Variants in PHACTR2 observed in about 807,000 individuals in gnomAD.
The protein encoded by PHACTR2 is phosphatase and actin regulator 2.
A neutral mutation model predicts 76.0 loss-of-function variants in PHACTR2; 30 were observed. That is an observed-to-expected ratio of 0.39 (90% CI 0.30 to 0.54). PHACTR2 has a LOEUF of 0.54. Among genes scored for constraint, PHACTR2 ranks in the 20% least tolerant of loss-of-function variants. The pLI, the probability that PHACTR2 is intolerant of heterozygous loss-of-function variation, is 0.61. For synonymous variants in PHACTR2, 292 were observed against 292.5 expected (o/e 1.00, Z 0.02); for missense variants, 696 against 781.1 (o/e 0.89, Z 1.30).
rs1776393335 is a variant in PHACTR2, at chr6:143,633,104, AGCCGATTTGGTTAAAT to A, written c.13+24783_13+24798del. Reference sequence around the variant, plus strand: ...GGGCTTTTTGCTGACATAATCTTTCAGCCGATTTGGTTAAATACCAAGGCGTGCAATTGCTGAATCA... The same window carrying A: ...GGGCTTTTTGCTGACATAATCTTTCAACCAAGGCGTGCAATTGCTGAATCA... On this transcript the variant is annotated intron_variant, in intron 1 of 11. Coordinates refer to the PHACTR2 transcript ENST00000305766. The surrounding 1 kb of genome is among the most constrained non-coding windows in gnomAD (Gnocchi z 4.1). Among the ~76,000 whole-genome samples, 1 of 152,216 alleles carries A rather than the reference AGCCGATTTGGTTAAAT, an allele frequency of 6.6e-6. No individual in the cohort carries two copies. Among genetic ancestry groups the A allele is most frequent in the African/African-American group, 2.4e-5 (1 of 41,464 alleles).
At position 143,816,637 on chromosome 6, in the gene PHACTR2, T is replaced by C. The variant is rs143472018; in HGVS notation, c.1923-7037T>C. ...TGTGACCTTCCAATGCAATCTAGAC[T>C]GTGGAACTCACTGTGTACTGCGATC... On this transcript the variant is annotated intron_variant, in intron 12 of 12. Transcript: ENST00000440869. The surrounding 1 kb of genome is among the most constrained non-coding windows in gnomAD (Gnocchi z 4.5). 4.6e-3 allele frequency among the ~76,000 whole-genome samples: 703 copies of C among 151,984 alleles called. 2 individuals are homozygous for C. The highest frequency in any genetic ancestry group is 6.6e-3 in the Non-Finnish European group (449 of 67,976).
intron 1 of PHACTR2, among the ~76,000 whole-genome samples, chr6:143,628,443 C>T (rs567765339): frequency 4.4e-4 from 67 of 152,186 alleles, no homozygotes; most frequent in African/African-American, 9.9e-4. Flanking sequence ...TTGCCTTTAC[C>T]GACTTGTTAG....
At position 143,742,951 on chromosome 6, in the gene PHACTR2, T is replaced by C. The variant is rs1582832056; in HGVS notation, c.215-6034T>C. ...TATGTATTGAATGCTTTCTAGATCC[T>C]AGGTACTGGTCTCAGTATTTTACTT... On this transcript the variant is annotated intron_variant, in intron 2 of 12. Coordinates refer to ENST00000440869, the MANE Select transcript of PHACTR2 (RefSeq NM_001100164.2). The surrounding 1 kb of genome is among the most constrained non-coding windows in gnomAD (Gnocchi z 4.5). 2.6e-5 allele frequency among the ~76,000 whole-genome samples: 4 copies of C among 152,212 alleles called. No individual in the cohort carries two copies. The highest frequency in any genetic ancestry group is 5.9e-5 in the Non-Finnish European group (4 of 68,030).
rs910113136 is a variant in PHACTR2, at chr6:143,775,024, A to G, written c.1589+809A>G. On this transcript the variant is annotated intron_variant, in intron 8 of 12. Coordinates refer to ENST00000440869, the MANE Select transcript of PHACTR2 (RefSeq NM_001100164.2). The surrounding 1 kb of genome is among the most constrained non-coding windows in gnomAD (Gnocchi z 4.4). ...CACAACAGGGTGCATAACTGGGAGA[A>G]AGGAACTGTCTAGAATCCCAGAGCA... 2.0e-5 allele frequency among the ~76,000 whole-genome samples: 3 copies of G among 152,326 alleles called. No homozygotes were observed. The South Asian group carries it at 6.2e-4, about 32-fold the overall frequency.
chr6:143,631,543 T>C (rs535838260), intron 1 of PHACTR2, among the ~76,000 whole-genome samples: 1 of 152,266 alleles, frequency 6.6e-6, no homozygotes, highest in Admixed American at 6.5e-5. Context: ...AGAGCTTGTG[T>C]GCTTCCGTGC....
rs1775297006 is a variant in PHACTR2 at position 143,562,631 on chromosome 6, A to G, written c.217+25424A>G. On this transcript the variant is annotated intron_variant, in intron 1 of 11. Coordinates refer to the PHACTR2 transcript ENST00000367584. This position sits in a 1 kb window ranked among gnomAD's most constrained non-coding sequence, Gnocchi z 5.1. ...TGTGACTCTGAGTTTCAAGGGTAAT[A>G]ATCCTGTCTTAAAATTTATGTATAT... Among the ~76,000 whole-genome samples, 1 of 152,168 alleles carries G rather than the reference A, an allele frequency of 6.6e-6. No individual in the cohort carries two copies. The highest frequency in any genetic ancestry group is 1.5e-5 in the Non-Finnish European group (1 of 68,036).
chr6:143,608,445 G>A lies in PHACTR2; in HGVS notation c.13+123G>A, dbSNP rs1775921130. ...GCACTTAAATGTTCAAGACTGAGAC[G>A]CGTGTAATATGTGAACCCCGATGCA... is the stretch of plus-strand genomic sequence containing the variant. On this transcript the variant is annotated intron_variant, in intron 1 of 11. Coordinates refer to the PHACTR2 transcript ENST00000305766. This position sits in a 1 kb window ranked among gnomAD's most constrained non-coding sequence, Gnocchi z 4.6. The A allele has an allele frequency of 1.2e-5, 11 of 939,344 alleles. No individual in the cohort carries two copies. The highest frequency in any genetic ancestry group is 1.9e-5 in the Admixed American group (1 of 51,834). 58.2% of individuals were successfully genotyped at this position (939,344 alleles called of 1,614,324 possible). A position where few individuals can be genotyped will look rare whatever the true frequency, so the allele number is the denominator to read the frequency against.
chr6:143,751,263 C>G lies in PHACTR2; in HGVS notation c.295+2198C>G, dbSNP rs1210267581. 1.3e-5 allele frequency among the ~76,000 whole-genome samples: 2 copies of G among 152,136 alleles called. No individual in the cohort carries two copies. Among genetic ancestry groups the G allele is most frequent in the Non-Finnish European group, 2.9e-5 (2 of 68,016 alleles). On this transcript the variant is annotated intron_variant, in intron 3 of 12. Transcript: ENST00000440869. The surrounding 1 kb of genome is among the most constrained non-coding windows in gnomAD (Gnocchi z 5.7). The stretch of plus-strand genomic sequence containing the variant: ...CATCCCACCATATCCCATACTCTCC[C>G]GGCTATTGTTATTTTTCCTTTTAGG...
rs962983325 is a variant in PHACTR2 at position 143,794,989 on chromosome 6, C to T, written c.1845+6079C>T. ...CTCTCCTTTCTGTGAAGGAGGAAGG[C>T]CCTTGCTGGTTGTGGTGGGGAATCT... On this transcript the variant is annotated intron_variant, in intron 11 of 12. Transcript: ENST00000440869. This position sits in a 1 kb window ranked among gnomAD's most constrained non-coding sequence, Gnocchi z 4.1. Among the ~76,000 whole-genome samples, 1 of 152,096 alleles carries T rather than the reference C, an allele frequency of 6.6e-6. No individual in the cohort carries two copies. Among genetic ancestry groups the T allele is most frequent in the Non-Finnish European group, 1.5e-5 (1 of 68,036 alleles).
In PHACTR2 at chr6:143,780,734, C is replaced by T. The variant is rs549886278; in HGVS notation, c.1646-2485C>T. ...TCGGAAATGCTTCTTGCGGGTCGTCCGAAATGTTCGCCCCTCTCTGCTCTG... is the reference window on the plus strand; with the variant it reads ...TCGGAAATGCTTCTTGCGGGTCGTCTGAAATGTTCGCCCCTCTCTGCTCTG... On this transcript the variant is annotated intron_variant, in intron 9 of 12. Transcript: ENST00000440869. The surrounding 1 kb of genome is among the most constrained non-coding windows in gnomAD (Gnocchi z 4.4). Among the ~76,000 whole-genome samples, 11 of 152,188 alleles carry T rather than the reference C, an allele frequency of 7.2e-5. No individual in the cohort carries two copies. The highest frequency in any genetic ancestry group is 6.2e-4 in the South Asian group (3 of 4,818).
In PHACTR2 at chr6:143,608,917, A is replaced by G. The variant is rs1046514452; in HGVS notation, c.13+595A>G. Among the ~76,000 whole-genome samples, 4 of 152,258 alleles carry G rather than the reference A, an allele frequency of 2.6e-5. No homozygotes were observed. The highest frequency in any genetic ancestry group is 9.6e-5 in the African/African-American group (4 of 41,478). ...AACTAGACAAACAGATGATTGAAGT[A>G]TGTTAATGTCAATTAAATAATTAGC... On this transcript the variant is annotated intron_variant, in intron 1 of 11. Transcript: ENST00000305766. This position sits in a 1 kb window ranked among gnomAD's most constrained non-coding sequence, Gnocchi z 4.6.
chr6:143,678,020 C>A lies in PHACTR2; in HGVS notation c.-144C>A. 1.3e-6 allele frequency: 2 copies of A among 1,485,308 alleles called. No homozygotes were observed. The allele number at this position is 1,485,308 out of a possible 1,614,324, so 92.0% of individuals were successfully genotyped here. A position where few individuals can be genotyped will look rare whatever the true frequency, so the allele number is the denominator to read the frequency against. ...GCGGCCGGCCGGGCTGGGAGACCCG[C>A]GCGGGGTAGAAGGTGAGGGGACCCG... On this transcript the variant is annotated 5_prime_UTR_variant, in exon 1 of 13. Coordinates refer to ENST00000440869, the MANE Select transcript of PHACTR2 (RefSeq NM_001100164.2). This position sits in a 1 kb window ranked among gnomAD's most constrained non-coding sequence, Gnocchi z 6.2.
chr6:143,537,496 G>A lies in PHACTR2; in HGVS notation c.217+289G>A, dbSNP rs1432734127. ...GGGTAGGGAGCGCTCCCTCTCGGCT[G>A]CACGGCGCCAGGCAGCACCGCAGCT... On this transcript the variant is annotated intron_variant, in intron 1 of 11. Coordinates refer to the PHACTR2 transcript ENST00000367584. The surrounding 1 kb of genome is among the most constrained non-coding windows in gnomAD (Gnocchi z 4.4). Among the ~76,000 whole-genome samples, 1 of 152,166 alleles carries A rather than the reference G, an allele frequency of 6.6e-6. No homozygotes were observed. Among genetic ancestry groups the A allele is most frequent in the Non-Finnish European group, 1.5e-5 (1 of 68,022 alleles).
intron 1 of PHACTR2, among the ~76,000 whole-genome samples, chr6:143,693,278 C>T (rs760790071): frequency 3.0e-4 from 46 of 152,170 alleles, no homozygotes; most frequent in Non-Finnish European, 6.3e-4. Flanking sequence ...TACTCCATCA[C>T]CCAGGCTGGA....
rs1479313673 is a variant in PHACTR2, at chr6:143,627,288, C to T, written c.13+18966C>T. 6.6e-6 allele frequency among the ~76,000 whole-genome samples: 1 copy of T among 152,152 alleles called. No individual in the cohort carries two copies. The highest frequency in any genetic ancestry group is 1.9e-4 in the East Asian group (1 of 5,194). On this transcript the variant is annotated intron_variant, in intron 1 of 11. Coordinates refer to the PHACTR2 transcript ENST00000305766. The surrounding 1 kb of genome is among the most constrained non-coding windows in gnomAD (Gnocchi z 4.3). ...CTTTGTAGCTAAACATTATTATTTT[C>T]AAAACTAAGATAGCTTTACTCAGTT...
intron 1 of PHACTR2, among the ~76,000 whole-genome samples, chr6:143,702,773 CTTTTTTTTT>C (rs1190039194): frequency 4.0e-5 from 4 of 100,130 alleles, no homozygotes; most frequent in East Asian, 5.4e-4. Context: ...ATATATACAA[CTTTTTTTTT>C]TTTTTTTTTT....
rs547546889 is a variant in PHACTR2, at chr6:143,608,845, A to G, written c.13+523A>G. Among the ~76,000 whole-genome samples the G allele has an allele frequency of 2.6e-5, 4 of 152,348 alleles. No individual in the cohort carries two copies. The highest frequency in any genetic ancestry group is 4.1e-4 in the South Asian group (2 of 4,830). Reference sequence around the variant, plus strand: ...TTCAGAATAGAGACATTAGTGGTCAATTGTGAACCTTTAAAAATGTACTTA... The same window carrying G: ...TTCAGAATAGAGACATTAGTGGTCAGTTGTGAACCTTTAAAAATGTACTTA... On this transcript the variant is annotated intron_variant, in intron 1 of 11. Coordinates refer to the PHACTR2 transcript ENST00000305766. This position sits in a 1 kb window ranked among gnomAD's most constrained non-coding sequence, Gnocchi z 4.6.
rs1776545900 is a variant in PHACTR2 at position 143,827,123 on chromosome 6, T to C, written c.*3434T>C. The C allele has an allele frequency of 7.4e-6, 1 of 135,594 alleles. No homozygotes were observed. Among genetic ancestry groups the C allele is most frequent in the East Asian group, 2.2e-4 (1 of 4,464 alleles). 8.4% of individuals were successfully genotyped at this position (135,594 alleles called of 1,614,324 possible). ...AAGGTCCAGTTTTACAGCCTGCAAT[T>C]AATTCAGGGCTGCGTTGGCATTAAA... On this transcript the variant is annotated 3_prime_UTR_variant, in exon 13 of 13. Transcript: ENST00000440869.
In PHACTR2 at chr6:143,709,863, A is replaced by G. The variant is rs920386419; in HGVS notation, c.47-2153A>G. Among the ~76,000 whole-genome samples, 6 of 152,242 alleles carry G rather than the reference A, an allele frequency of 3.9e-5. No homozygotes were observed. Among genetic ancestry groups the G allele is most frequent in the East Asian group, 1.9e-4 (1 of 5,172 alleles). On this transcript the variant is annotated intron_variant, in intron 1 of 12. Coordinates refer to ENST00000440869, the MANE Select transcript of PHACTR2 (RefSeq NM_001100164.2). This position sits in a 1 kb window ranked among gnomAD's most constrained non-coding sequence, Gnocchi z 4.4. ...TGTCACGGCTTCCTACATGGTCTCC[A>G]CTGACACTGTGGAAGATGCTTCATT... is the stretch of plus-strand genomic sequence containing the variant.
Sources: allele counts gnomAD v4.1 joint callset (sites outside exome capture counted in the v4.1 genomes callset), GRCh38; gene constraint gnomAD v4.1.1; non-coding constraint Gnocchi (gnomAD v3.1); transcripts MANE v1.5; gene names NCBI Gene and HGNC (gene_info 2026-07-23, HGNC 2026-07-21).